SND1: variants seen among roughly 807,000 people sequenced by gnomAD.
SND1 encodes staphylococcal nuclease domain-containing protein 1.
Under a neutral mutation model 121.7 loss-of-function variants are expected in SND1, and 38 were observed. The observed-to-expected ratio is 0.31, with a 90% CI of 0.24 to 0.41. The LOEUF is 0.41. SND1 is among the 10% of genes least tolerant of loss of function. The pLI is 1.00. For synonymous variants in SND1, 401 were observed against 447.4 expected, an observed-to-expected ratio of 0.90 and a Z score of 1.31; for missense variants, 868 against 1,184.6, an observed-to-expected ratio of 0.73 and a Z score of 3.92.
At chr7:128,008,969 A>C (rs1433816707) in intron 16 of SND1, among the ~76,000 whole-genome samples, 1 of 152,174 alleles carries the variant, frequency 6.6e-6, no homozygotes, top group Non-Finnish European at 1.5e-5. Flanking sequence ...GCACAAACAC[A>C]GAGGTTTATC....
chr7:127,777,246 A>G (rs946733928), intron 10 of SND1, among the ~76,000 whole-genome samples: 1 of 152,248 alleles, frequency 6.6e-6, no homozygotes, highest in Non-Finnish European at 1.5e-5. Flanking sequence ...AGAGGAAATG[A>G]AGCCTTCTTA....
chr7:127,713,633 G>A (rs1043205877), intron 9 of SND1, among the ~76,000 whole-genome samples: 1 of 152,198 alleles, frequency 6.6e-6, no homozygotes, highest in African/African-American at 2.4e-5. Flanking sequence ...GGTAACCTAT[G>A]GCCTCTAACT....
At chr7:128,051,705 T>A (rs1793049235) in intron 16 of SND1, among the ~76,000 whole-genome samples, 1 of 152,166 alleles carries the variant, frequency 6.6e-6, no homozygotes, top group African/African-American at 2.4e-5. Context: ...GGTAATGGAA[T>A]TCACTCGGGA....
At chr7:127,748,444 C>G (rs1797019351) in intron 10 of SND1, among the ~76,000 whole-genome samples, 1 of 152,158 alleles carries the variant, frequency 6.6e-6, no homozygotes, top group African/African-American at 2.4e-5. Context: ...GTCTGATTGT[C>G]TGGATCGGAA....
intron 12 of SND1, among the ~76,000 whole-genome samples, chr7:127,852,712 G>C (rs976230923): frequency 6.6e-6 from 1 of 151,836 alleles, no homozygotes; most frequent in African/African-American, 2.4e-5. Context: ...TCAAGAGGTT[G>C]AGGTGGTATA....
intron 11 of SND1, among the ~76,000 whole-genome samples, chr7:127,816,726 C>T (rs187854544): frequency 6.9e-6 from 1 of 145,718 alleles, no homozygotes; most frequent in East Asian, 2.0e-4. Context: ...TGCAGTGATG[C>T]GATCTTGGCT....
chr7:127,764,928 C>T (rs972944825), intron 10 of SND1, among the ~76,000 whole-genome samples: 1 of 152,018 alleles, frequency 6.6e-6, no homozygotes, highest in Non-Finnish European at 1.5e-5. Flanking sequence ...CAGGGGAAAT[C>T]GGGCGGAACT....
chr7:127,917,620 G>C (rs1800611661), intron 14 of SND1, among the ~76,000 whole-genome samples: 1 of 152,076 alleles, frequency 6.6e-6, no homozygotes, highest in African/African-American at 2.4e-5. Context: ...GATAGGATCT[G>C]CTATGTTGCC....
At chr7:127,973,086 G>A (rs555651495) in intron 15 of SND1, among the ~76,000 whole-genome samples, 8 of 152,308 alleles carry the variant, frequency 5.3e-5, no homozygotes, top group African/African-American at 9.6e-5. Flanking sequence ...TGCCTAGGCC[G>A]CAGAGTGGGA....
At chr7:127,824,989 TTGG>T (rs1431827621) in intron 11 of SND1, among the ~76,000 whole-genome samples, 1 of 152,196 alleles carries the variant, frequency 6.6e-6, no homozygotes, top group Non-Finnish European at 1.5e-5. Context: ...CGAATAAAAA[TTGG>T]TGGGTTGATT....
intron 10 of SND1, among the ~76,000 whole-genome samples, chr7:127,789,525 T>G (rs1797872837): frequency 6.6e-6 from 1 of 152,220 alleles, no homozygotes. Context: ...AATGGCATTG[T>G]TTCCATATTT....
At chr7:127,882,187 T>G (rs940290719) in intron 12 of SND1, among the ~76,000 whole-genome samples, 2 of 151,826 alleles carry the variant, frequency 1.3e-5, no homozygotes, top group African/African-American at 4.8e-5. Context: ...CCCAGGAGTT[T>G]GAGGCTGTAG....
At position 127,807,508 on chromosome 7, in the gene SND1, C is replaced by T. The variant is rs7805484; in HGVS notation, c.1177C>T (p.Leu393=). The change falls in exon 11 of 24, where the codon CTG becomes TTG. Residue 393 remains leucine (L), a synonymous_variant. Transcript: ENST00000354725. The part of the protein sequence containing the change: ...TQDKNKKLRP[L]YDIPYMFEAR... ...GGATAAGAACAAGAAACTGCGTCCCCTGTATGACATTCCTTACATGTTTGA... is the reference window on the plus strand; with the variant it reads ...GGATAAGAACAAGAAACTGCGTCCCTTGTATGACATTCCTTACATGTTTGA... 78 of 1,613,978 alleles carry T rather than the reference C, an allele frequency of 4.8e-5. No homozygotes were observed. The African/African-American group carries it at 8.9e-4, about 18-fold the overall frequency.
intron 15 of SND1, among the ~76,000 whole-genome samples, chr7:127,990,622 C>T (rs1007536693): frequency 6.6e-6 from 1 of 152,104 alleles, no homozygotes; most frequent in African/African-American, 2.4e-5. Context: ...ACTATGGGAC[C>T]GTCAGTTGGA....
intron 11 of SND1, among the ~76,000 whole-genome samples, chr7:127,838,317 T>C (rs1417779130): frequency 6.6e-6 from 1 of 152,238 alleles, no homozygotes; most frequent in Non-Finnish European, 1.5e-5. Context: ...AACATACTGA[T>C]GCACTGGTTC....
intron 15 of SND1, among the ~76,000 whole-genome samples, chr7:127,970,911 AC>A (rs1408168528): frequency 3.3e-5 from 5 of 152,072 alleles, no homozygotes; most frequent in African/African-American, 1.2e-4. Flanking sequence ...GGAGTTTGAG[AC>A]CAGCCTGGGC....
intron 1 of SND1, among the ~76,000 whole-genome samples, chr7:127,685,735 A>T (rs1795800910): frequency 6.6e-6 from 1 of 152,076 alleles, no homozygotes; most frequent in Non-Finnish European, 1.5e-5. Context: ...TTAGATTCTT[A>T]CGTTTTAATC....
At chr7:127,984,504 G>A (rs1802341342) in intron 15 of SND1, among the ~76,000 whole-genome samples, 1 of 152,152 alleles carries the variant, frequency 6.6e-6, no homozygotes, top group African/African-American at 2.4e-5. Context: ...TCTCAGCTCT[G>A]CGCCCTGACA....
At chr7:127,795,741 C>T (rs1798005518) in intron 10 of SND1, among the ~76,000 whole-genome samples, 1 of 152,142 alleles carries the variant, frequency 6.6e-6, no homozygotes, top group African/African-American at 2.4e-5. Context: ...ACATTAGACG[C>T]AGGCTGCCAA....
Sources: allele counts gnomAD v4.1 joint callset (sites outside exome capture counted in the v4.1 genomes callset), GRCh38; gene constraint gnomAD v4.1.1; transcripts MANE v1.5; gene names NCBI Gene and HGNC (gene_info 2026-07-23, HGNC 2026-07-21).